ARHGEF3: variants seen among roughly 807,000 people sequenced by gnomAD.
ARHGEF3 encodes the protein 59.8 kDA protein.
In ARHGEF3, 28 loss-of-function variants were observed where a neutral mutation model predicts 63.2. The observed-to-expected ratio is 0.44, with a 90% CI of 0.33 to 0.61. The LOEUF (loss-of-function observed/expected upper bound fraction) is 0.61, where lower values mean the gene tolerates loss of function less well. Among genes scored for constraint, ARHGEF3 ranks in the 20% least tolerant of loss-of-function variants. ARHGEF3 has a pLI of 0.03. For synonymous variants in ARHGEF3, 266 were observed against 254.2 expected, an observed-to-expected ratio of 1.05 and a Z score of -0.44; for missense variants, 533 against 659.3, an observed-to-expected ratio of 0.81 and a Z score of 2.10.
At chr3:56,819,027 C>G (rs548746658) in intron 4 of ARHGEF3, among the ~76,000 whole-genome samples, 3 of 152,162 alleles carry the variant, frequency 2.0e-5, no homozygotes, top group Non-Finnish European at 4.4e-5. Flanking sequence ...GAGATACTGA[C>G]AGCAACAATA....
At chr3:56,793,722 C>T (rs1044430840) in intron 1 of ARHGEF3, among the ~76,000 whole-genome samples, 1 of 152,196 alleles carries the variant, frequency 6.6e-6, no homozygotes, top group East Asian at 1.9e-4. Flanking sequence ...CTTTACTGTT[C>T]CTTGTGTATG....
chr3:56,898,208 T>C (rs771793822), intron 3 of ARHGEF3, among the ~76,000 whole-genome samples: 4 of 152,034 alleles, frequency 2.6e-5, no homozygotes, highest in African/African-American at 7.2e-5. Context: ...TTTTTAGGTA[T>C]GTCTTATTTA....
chr3:57,031,389 A>G (rs1021940048), intron 2 of ARHGEF3, among the ~76,000 whole-genome samples: 1 of 152,232 alleles, frequency 6.6e-6, no homozygotes, highest in Non-Finnish European at 1.5e-5. Context: ...AAGCAAACAA[A>G]AACAAAAAAT....
At chr3:57,028,627 G>C (rs1380804462) in intron 2 of ARHGEF3, among the ~76,000 whole-genome samples, 3 of 138,898 alleles carry the variant, frequency 2.2e-5, no homozygotes, top group Non-Finnish European at 3.1e-5. Context: ...CACCAGCATG[G>C]CACATGTATA....
chr3:57,010,848 AC>A, intron 2 of ARHGEF3, among the ~76,000 whole-genome samples: 1 of 152,154 alleles, frequency 6.6e-6, no homozygotes, highest in Non-Finnish European at 1.5e-5. Flanking sequence ...AGACATTTGG[AC>A]CCTTGTTCAT....
chr3:56,877,748 T>C (rs964806005), intron 4 of ARHGEF3, among the ~76,000 whole-genome samples: 1 of 152,202 alleles, frequency 6.6e-6, no homozygotes, highest in African/African-American at 2.4e-5. Context: ...TAGGGATACA[T>C]GTCCATAGCA....
At chr3:56,928,717 C>A (rs1226474223) in intron 3 of ARHGEF3, among the ~76,000 whole-genome samples, 1 of 152,112 alleles carries the variant, frequency 6.6e-6, no homozygotes, top group Non-Finnish European at 1.5e-5. Context: ...CCTCTGCCCC[C>A]CAGTGAACTG....
At chr3:57,021,658 C>T (rs1703263961) in intron 2 of ARHGEF3, among the ~76,000 whole-genome samples, 1 of 151,532 alleles carries the variant, frequency 6.6e-6, no homozygotes, top group Admixed American at 6.6e-5. Context: ...GAGGCTGAGG[C>T]AGGGGAATCA....
At chr3:56,941,774 A>G (rs1699200597) in intron 3 of ARHGEF3, among the ~76,000 whole-genome samples, 1 of 152,160 alleles carries the variant, frequency 6.6e-6, no homozygotes. Context: ...ACTTCTTTCT[A>G]TGTATATATT....
chr3:57,030,427 T>A (rs1330260754), intron 2 of ARHGEF3, among the ~76,000 whole-genome samples: 1 of 152,200 alleles, frequency 6.6e-6, no homozygotes, highest in Non-Finnish European at 1.5e-5. Flanking sequence ...GCCTAATCCC[T>A]TGTTTGAGCA....
intron 3 of ARHGEF3, among the ~76,000 whole-genome samples, chr3:56,923,182 C>T (rs998379398): frequency 1.3e-5 from 2 of 150,618 alleles, no homozygotes; most frequent in African/African-American, 2.4e-5. Flanking sequence ...GAGCCAAGAT[C>T]GTGCCACTCC....
chr3:56,826,498 C>A (rs2038716810), intron 4 of ARHGEF3, among the ~76,000 whole-genome samples: 1 of 152,164 alleles, frequency 6.6e-6, no homozygotes, highest in African/African-American at 2.4e-5. Flanking sequence ...CCTATTGATA[C>A]AGCCATACAC....
chr3:56,774,628 G>A lies in ARHGEF3; in HGVS notation c.97-812C>T, dbSNP rs537214595. ...AATAAAAATAACAGCCTGGCCAGGCGCAGTGGCTCATGCCTGTAATCAAAG... is the reference window on the plus strand; with the variant it reads ...AATAAAAATAACAGCCTGGCCAGGCACAGTGGCTCATGCCTGTAATCAAAG... On this transcript the variant is annotated intron_variant, in intron 1 of 9. Transcript: ENST00000296315. 2.0e-4 allele frequency among the ~76,000 whole-genome samples: 31 copies of A among 152,232 alleles called. 1 individual carries two copies. The Middle Eastern group carries it at 0.01, about 50-fold the overall frequency.
chr3:57,042,314 G>A (rs544925101), intron 1 of ARHGEF3, among the ~76,000 whole-genome samples: 1 of 152,206 alleles, frequency 6.6e-6, no homozygotes, highest in East Asian at 1.9e-4. Flanking sequence ...AGATGCACTA[G>A]CATGGGAAAC....
chr3:56,985,651 G>A (rs1324129442), intron 2 of ARHGEF3, among the ~76,000 whole-genome samples: 1 of 152,156 alleles, frequency 6.6e-6, no homozygotes. Context: ...GTTCTGAGAG[G>A]GGCAGCAGTG....
At chr3:56,992,118 C>T (rs1328406182) in intron 2 of ARHGEF3, among the ~76,000 whole-genome samples, 2 of 150,722 alleles carry the variant, frequency 1.3e-5, no homozygotes, top group South Asian at 2.1e-4. Context: ...CCTGCTAGTT[C>T]GCTCATTAAT....
Position 56,751,331 on chromosome 3 carries a change from T to C in ARHGEF3, c.504A>G (p.Gly168=). ...MTEQELNQIF[G]TLDSLIPLHE... is the part of the protein sequence containing the mutation. ...GTAGAGGAATTAGAGAGTCCAGTGTTCCAAAAATTTGATTCAACTCTTGTT... is the reference window on the plus strand; with the variant it reads ...GTAGAGGAATTAGAGAGTCCAGTGTCCCAAAAATTTGATTCAACTCTTGTT... Residue 168 remains glycine (G), a synonymous_variant, in exon 5 of 10, where the codon GGA becomes GGG. Coordinates refer to ENST00000296315, the MANE Select transcript of ARHGEF3 (RefSeq NM_019555.3). 1 of 1,614,048 alleles carries C rather than the reference T, an allele frequency of 6.2e-7. No homozygotes were observed. The highest frequency in any genetic ancestry group is 8.5e-7 in the Non-Finnish European group (1 of 1,179,898).
intron 3 of ARHGEF3, among the ~76,000 whole-genome samples, chr3:56,946,479 T>G (rs563386499): frequency 6.6e-6 from 1 of 152,176 alleles, no homozygotes; most frequent in Admixed American, 6.5e-5. Context: ...ACGTGATGAA[T>G]GCACTAGCCT....
intron 2 of ARHGEF3, among the ~76,000 whole-genome samples, chr3:56,772,454 CAG>C (rs1414703705): frequency 5.9e-5 from 9 of 152,148 alleles, no homozygotes; most frequent in Admixed American, 4.6e-4. Flanking sequence ...ACTCAGAAAG[CAG>C]AGATACAAAA....
Sources: gnomAD v4.1 joint callset for allele counts (sites outside exome capture counted in the v4.1 genomes callset) on GRCh38, gnomAD v4.1.1 for gene constraint, MANE v1.5 for transcripts, NCBI Gene and HGNC (gene_info 2026-07-23, HGNC 2026-07-21) for gene names.